Variants in PRL observed in about 807,000 individuals in gnomAD.
PRL encodes the protein prolactin.
PRL carries 24 observed loss-of-function variants against 21.3 expected under a neutral mutation model. The observed-to-expected ratio is 1.13, with a 90% CI of 0.82 to 1.59. PRL has a LOEUF of 1.59. PRL is among the 40% of genes most tolerant of loss of function. The probability of loss-of-function intolerance (pLI) is 0.00; values close to 1 mark genes in which losing one functional copy is unlikely to be tolerated. For missense variants in PRL, 243 were observed against 286.9 expected (o/e 0.85, Z 1.10); for synonymous variants, 118 against 115.7 (o/e 1.02, Z -0.13).
intron 3 of PRL, 64 bp from the exon 4 acceptor site, chr6:22,290,417 G>C (rs1397996113): frequency 7.5e-7 from 1 of 1,328,810 alleles, no homozygotes; most frequent in Admixed American, 2.3e-5. Flanking sequence ...AGTTACTTGT[G>C]ATTTTTGCTT....
intron 4 of PRL, 50 bp downstream of exon 4, chr6:22,290,124 C>A: frequency 6.9e-7 from 1 of 1,446,712 alleles, no homozygotes; most frequent in South Asian, 1.7e-5. Flanking sequence ...TCACAGAGGT[C>A]ACCGCTTATA....
upstream of PRL, among the ~76,000 whole-genome samples, chr6:22,301,971 G>A (rs1479054133): frequency 2.0e-5 from 3 of 152,048 alleles, no homozygotes; most frequent in African/African-American, 7.2e-5. Context: ...AGTTCAAGCT[G>A]TTGAAGAAGC....
intron 2 of PRL, among the ~76,000 whole-genome samples, 158 bp from the exon 3 acceptor site, chr6:22,292,803 G>A (rs546036110): frequency 5.3e-5 from 8 of 152,108 alleles, no homozygotes; most frequent in South Asian, 2.1e-4. Flanking sequence ...TAACCCTTTC[G>A]CCTACTTCCC....
At chr6:22,301,032 A>G (rs1761273370), upstream of PRL, among the ~76,000 whole-genome samples, 1 of 152,226 alleles carries the variant, frequency 6.6e-6, no homozygotes, top group Admixed American at 6.5e-5. Flanking sequence ...TTCTTTAGGC[A>G]AAAGAATTAA....
At chr6:22,297,102 G>A (rs1291950775), upstream of PRL, 21 of 1,015,066 alleles carry the variant, frequency 2.1e-5, no homozygotes, top group South Asian at 3.2e-5. Context: ...AATGAATCAG[G>A]CATTCGTTTC....
chr6:22,293,795 GGAGGGAA>G, intron 2 of PRL, among the ~76,000 whole-genome samples: 1 of 141,222 alleles, frequency 7.1e-6, no homozygotes, highest in Non-Finnish European at 1.6e-5. Flanking sequence ...AAGGAAGGAA[GGAGGGAA>G]GGAAGGAAGG....
intron 2 of PRL, 24 bp downstream of exon 2, chr6:22,294,384 AG>A: frequency 1.2e-6 from 2 of 1,613,330 alleles, no homozygotes; most frequent in Non-Finnish European, 1.7e-6. Flanking sequence ...TCCTTCAGGG[AG>A]GAAGCCAGAA....
rs774305153 is a variant in PRL, at chr6:22,287,500, A to G, written c.586T>C (p.Tyr196His). The G allele has an allele frequency of 3.1e-6, 5 of 1,614,166 alleles. No homozygotes were observed. Among genetic ancestry groups the G allele is most frequent in the Non-Finnish European group, 4.2e-6 (5 of 1,180,000 alleles). Residue 196 changes from tyrosine to histidine, a missense_variant, in exon 5 of 5, where the codon TAT (tyrosine) becomes CAT (histidine). Tyr to His is a moderately conservative substitution (Grantham distance 83). Transcript: ENST00000306482. ...MADEESRLSA[Y>H]YNLLHCLRRD... ...CGTAGGCAGTGGAGCAGGTTATAATAAGCAGAAAGGCGAGACTCTTCATCA... is the reference window on the plus strand; with the variant it reads ...CGTAGGCAGTGGAGCAGGTTATAATGAGCAGAAAGGCGAGACTCTTCATCA...
chr6:22,294,688 C>T, intron 1 of PRL, 104 bp from the exon 2 acceptor site: 22 of 1,288,758 alleles, frequency 1.7e-5, no homozygotes, highest in Non-Finnish European at 2.3e-5. Context: ...CTGCCCTCAG[C>T]TGCCTGATTT....
chr6:22,294,514 G>T lies in PRL; in HGVS notation c.99C>A (p.Pro33=). The change falls in exon 2 of 5, where the codon CCC becomes CCA. Residue 33 remains proline (P), a synonymous_variant. Coordinates refer to ENST00000306482, the MANE Select transcript of PRL (RefSeq NM_000948.6). The stretch of plus-strand genomic sequence containing the variant: ...TCACCTGGCATCGGGCAGCCCCGCC[G>T]GGACAGATGGGCAAGGGGGCCACGC... ...CQSVAPLPIC[P]GGAARCQVTL... 1 of 1,614,054 alleles carries T rather than the reference G, an allele frequency of 6.2e-7. No homozygotes were observed. The highest frequency in any genetic ancestry group is 8.5e-7 in the Non-Finnish European group (1 of 1,179,988).
chr6:22,296,642 A>G (rs1761181024), intron 1 of PRL, among the ~76,000 whole-genome samples: 3 of 152,210 alleles, frequency 2.0e-5, no homozygotes, highest in African/African-American at 7.2e-5. Flanking sequence ...CCGTGCATTG[A>G]AGGATGTTCA....
At position 22,296,857 on chromosome 6, in the gene PRL, T is replaced by A. The variant is rs897019743; in HGVS notation, c.28+98A>T. ...AACATAAGATTGTGCTTCTAAACCTTGTAAACCTGCAAGCTCTTGTTATTA... is the reference window on the plus strand; with the variant it reads ...AACATAAGATTGTGCTTCTAAACCTAGTAAACCTGCAAGCTCTTGTTATTA... On this transcript the variant is annotated intron_variant, in intron 1 of 4. Coordinates refer to ENST00000306482, the MANE Select transcript of PRL (RefSeq NM_000948.6). 57 of 1,352,802 alleles carry A rather than the reference T, an allele frequency of 4.2e-5. 1 individual carries two copies. The highest frequency in any genetic ancestry group is 3.6e-4 in the Middle Eastern group (2 of 5,512). The allele number at this position is 1,352,802 out of a possible 1,614,324, so 83.8% of individuals were successfully genotyped here. A position where few individuals can be genotyped will look rare whatever the true frequency, so the allele number is the denominator to read the frequency against.
At chr6:22,298,181 G>C (rs942594291), upstream of PRL, among the ~76,000 whole-genome samples, 2 of 152,150 alleles carry the variant, frequency 1.3e-5, no homozygotes, top group Admixed American at 6.5e-5. Context: ...TGTGTAAACT[G>C]TTATTAACTT....
chr6:22,296,002 A>G (rs899423788), intron 1 of PRL, among the ~76,000 whole-genome samples: 8 of 152,222 alleles, frequency 5.3e-5, no homozygotes, highest in African/African-American at 1.7e-4. Flanking sequence ...TTTCAAAAAC[A>G]TGATTCTTCC....
At position 22,288,640 on chromosome 6, in the gene PRL, AAC is replaced by A. The variant is rs1292939838; in HGVS notation, c.493-1049_493-1048del. 6.6e-6 allele frequency among the ~76,000 whole-genome samples: 1 copy of A among 152,164 alleles called. No homozygotes were observed. ...ATAACAAAAGGAGGCTGAACAGCAC[AAC>A]AGAGGGCATGCTATGTTTCTTCACA... is the stretch of plus-strand genomic sequence containing the variant. On this transcript the variant is annotated intron_variant, in intron 4 of 4. Coordinates refer to ENST00000306482, the MANE Select transcript of PRL (RefSeq NM_000948.6). The surrounding 1 kb of genome is among the most constrained non-coding windows in gnomAD (Gnocchi z 4.5).
At position 22,290,327 on chromosome 6, in the gene PRL, G is replaced by A. The variant is rs751483996; in HGVS notation, c.339C>T (p.Val113=). Reference sequence around the variant, plus strand: ...GCTCATTCCAGGATCGCAATATGCTGACTATCAGGCTCAGAAAGTCTTTTT... The same window carrying A: ...GCTCATTCCAGGATCGCAATATGCTAACTATCAGGCTCAGAAAGTCTTTTT... ...MNQKDFLSLI[V]SILRSWNEPL... is the part of the protein sequence containing the mutation. The change falls in exon 4 of 5, where the codon GTC becomes GTT. Residue 113 remains valine (V), a synonymous_variant. Coordinates refer to ENST00000306482, the MANE Select transcript of PRL (RefSeq NM_000948.6). 1.7e-5 allele frequency: 28 copies of A among 1,602,864 alleles called. No homozygotes were observed. In the Admixed American group the frequency reaches 4.5e-4, roughly 26 times the overall value.
chr6:22,295,620 C>T (rs1298719486), intron 1 of PRL, among the ~76,000 whole-genome samples: 1 of 152,188 alleles, frequency 6.6e-6, no homozygotes, highest in African/African-American at 2.4e-5. Context: ...GCTTTGTCAT[C>T]AATTTGCTAT....
intron 3 of PRL, among the ~76,000 whole-genome samples, chr6:22,290,725 G>T (rs1761034072): frequency 6.6e-6 from 1 of 152,164 alleles, no homozygotes; most frequent in Admixed American, 6.5e-5. Flanking sequence ...CTCAGTAGGT[G>T]CCCAGAGTAT....
intron 4 of PRL, 150 bp from the exon 5 acceptor site, chr6:22,287,743 G>T: frequency 1.4e-6 from 1 of 690,586 alleles, no homozygotes; most frequent in Non-Finnish European, 2.2e-6. Flanking sequence ...CTGGGCCAGT[G>T]TATCAGAAAC....
Sources: gnomAD v4.1 joint callset for allele counts (sites outside exome capture counted in the v4.1 genomes callset) on GRCh38, gnomAD v4.1.1 for gene constraint, Gnocchi (gnomAD v3.1) non-coding constraint, MANE v1.5 for transcripts, NCBI Gene and HGNC (gene_info 2026-07-23, HGNC 2026-07-21) for gene names.